GHR: variants seen among roughly 807,000 people sequenced by gnomAD.
GHR encodes growth hormone receptor.
GHR carries 35 observed loss-of-function variants against 67.1 expected under a neutral mutation model. That is an observed-to-expected ratio of 0.52 (90% CI 0.40 to 0.69). The LOEUF (loss-of-function observed/expected upper bound fraction) is 0.69, where lower values mean the gene tolerates loss of function less well. Among genes scored for constraint, GHR ranks in the 30% least tolerant of loss-of-function variants. The pLI is 0.00. For synonymous variants in GHR, 272 were observed against 269.1 expected, an observed-to-expected ratio of 1.01 and a Z score of -0.10; for missense variants, 792 against 764.6, an observed-to-expected ratio of 1.04 and a Z score of -0.42.
chr5:42,562,979 T>C (rs1749702927), intron 1 of GHR, among the ~76,000 whole-genome samples: 1 of 152,134 alleles, frequency 6.6e-6, no homozygotes, highest in Non-Finnish European at 1.5e-5. Flanking sequence ...GTGAAGTTCA[T>C]TTGCAGGCAG....
At chr5:42,627,901 A>T (rs748929882) in intron 2 of GHR, among the ~76,000 whole-genome samples, 3 of 152,154 alleles carry the variant, frequency 2.0e-5, no homozygotes, top group Non-Finnish European at 4.4e-5. Context: ...CCTAGAAAAA[A>T]CAGATCATAC....
At chr5:42,498,975 G>C (rs1049177414) in intron 1 of GHR, among the ~76,000 whole-genome samples, 13 of 152,176 alleles carry the variant, frequency 8.5e-5, no homozygotes, top group African/African-American at 3.1e-4. Flanking sequence ...AGATGAACTT[G>C]ATAGAATAAA....
chr5:42,591,080 G>C (rs1203328149), intron 2 of GHR, among the ~76,000 whole-genome samples: 1 of 152,212 alleles, frequency 6.6e-6, no homozygotes, highest in Non-Finnish European at 1.5e-5. Flanking sequence ...AAAAACACTT[G>C]AGCTGAATCG....
intron 1 of GHR, among the ~76,000 whole-genome samples, chr5:42,460,033 G>A (rs1009452178): frequency 8.5e-5 from 13 of 152,182 alleles, no homozygotes; most frequent in Non-Finnish European, 1.8e-4. Context: ...GCTGGTAAAA[G>A]TTAAATGAAT....
chr5:42,707,031 T>C (rs959754853), intron 6 of GHR, among the ~76,000 whole-genome samples: 5 of 151,996 alleles, frequency 3.3e-5, no homozygotes, highest in African/African-American at 1.2e-4. Context: ...TGGAATGTTT[T>C]TCCATTTGCG....
At position 42,719,580 on chromosome 5, in the gene GHR, T is replaced by C. The variant is rs1758920481; in HGVS notation, c.*156T>C. Reference sequence around the variant, plus strand: ...CTTTTCCCAAAATGTTGAAATATGATGTTAAAAAAATAAGAAGAATGCTTA... The same window carrying C: ...CTTTTCCCAAAATGTTGAAATATGACGTTAAAAAAATAAGAAGAATGCTTA... On this transcript the variant is annotated 3_prime_UTR_variant, in exon 10 of 10. Coordinates refer to ENST00000230882, the MANE Select transcript of GHR (RefSeq NM_000163.5). 2 of 717,030 alleles carry C rather than the reference T, an allele frequency of 2.8e-6. No individual in the cohort carries two copies. Among genetic ancestry groups the C allele is most frequent in the South Asian group, 1.5e-5 (1 of 66,414 alleles). 44.4% of individuals were successfully genotyped at this position (717,030 alleles called of 1,614,324 possible).
chr5:42,623,452 A>T (rs996249120), intron 2 of GHR, among the ~76,000 whole-genome samples: 3 of 152,132 alleles, frequency 2.0e-5, no homozygotes, highest in African/African-American at 7.2e-5. Context: ...ACACATCCCC[A>T]GCTCCATCCA....
intron 5 of GHR, 50 bp from the exon 6 acceptor site, chr5:42,699,774 A>G: frequency 8.6e-7 from 1 of 1,158,468 alleles, no homozygotes; most frequent in Non-Finnish European, 1.3e-6. Context: ...GCCTTCCATT[A>G]ATATTAAATT....
chr5:42,515,015 A>G (rs1286736866), intron 1 of GHR: 4 of 151,868 alleles, frequency 2.6e-5, no homozygotes, highest in Admixed American at 2.6e-4. Flanking sequence ...TGCAAAGGGT[A>G]CTTAAGCTAC....
At chr5:42,695,375 T>C (rs1016827412) in intron 5 of GHR, among the ~76,000 whole-genome samples, 3 of 152,194 alleles carry the variant, frequency 2.0e-5, no homozygotes, top group Admixed American at 1.3e-4. Context: ...CTGCGTTGTG[T>C]TTTTATGTTC....
At chr5:42,551,341 G>A (rs1429882592) in intron 1 of GHR, among the ~76,000 whole-genome samples, 6 of 152,184 alleles carry the variant, frequency 3.9e-5, no homozygotes, top group Admixed American at 1.3e-4. Flanking sequence ...GCTAAGTTGC[G>A]GTGGGGAGTC....
At chr5:42,663,345 G>A (rs371227641) in intron 3 of GHR, among the ~76,000 whole-genome samples, 2 of 152,236 alleles carry the variant, frequency 1.3e-5, no homozygotes, top group Non-Finnish European at 2.9e-5. Context: ...AAAATCCTCA[G>A]TAAAATACTA....
chr5:42,652,830 C>G (rs997197587), intron 3 of GHR, among the ~76,000 whole-genome samples: 1 of 152,054 alleles, frequency 6.6e-6, no homozygotes, highest in Non-Finnish European at 1.5e-5. Flanking sequence ...GAATGTGGAC[C>G]CTGATTCAAA....
intron 1 of GHR, among the ~76,000 whole-genome samples, chr5:42,450,032 T>C (rs1743980355): frequency 6.6e-6 from 1 of 152,222 alleles, no homozygotes; most frequent in Non-Finnish European, 1.5e-5. Context: ...TTTGAAATGC[T>C]GCTGGATTCA....
At chr5:42,560,334 C>A (rs1412818056) in intron 1 of GHR, among the ~76,000 whole-genome samples, 3 of 152,138 alleles carry the variant, frequency 2.0e-5, no homozygotes, top group African/African-American at 7.2e-5. Context: ...GCTGGGACTA[C>A]AGGTGTGCGC....
chr5:42,716,644 A>G (rs2111851871), intron 8 of GHR, among the ~76,000 whole-genome samples: 1 of 152,374 alleles, frequency 6.6e-6, no homozygotes, highest in South Asian at 2.1e-4. Context: ...GCACTAAAAA[A>G]TGATAGTAGT....
chr5:42,670,880 A>AAAAAAAAAAAAAAAAAAT (rs1554034852), intron 3 of GHR, among the ~76,000 whole-genome samples: 1 of 118,212 alleles, frequency 8.5e-6, no homozygotes, highest in Non-Finnish European at 1.7e-5. Context: ...AAAAAAAAAA[A>AAAAAAAAAAAAAAAAAAT]ATATATATAT....
At chr5:42,655,711 G>A (rs953884154) in intron 3 of GHR, among the ~76,000 whole-genome samples, 1 of 151,778 alleles carries the variant, frequency 6.6e-6, no homozygotes, top group Non-Finnish European at 1.5e-5. Flanking sequence ...TATAAAATTG[G>A]CATTAGTAGA....
intron 4 of GHR, among the ~76,000 whole-genome samples, chr5:42,694,314 T>C (rs946193841): frequency 2.6e-5 from 4 of 152,174 alleles, no homozygotes; most frequent in African/African-American, 9.7e-5. Flanking sequence ...TAAATGTCAA[T>C]AGAATGAATA....
Sources: allele counts gnomAD v4.1 joint callset (sites outside exome capture counted in the v4.1 genomes callset), GRCh38; gene constraint gnomAD v4.1.1; transcripts MANE v1.5; gene names NCBI Gene and HGNC (gene_info 2026-07-23, HGNC 2026-07-21).